ZNF595: variants seen among roughly 807,000 people sequenced by gnomAD.
ZNF595 encodes the protein zinc finger protein 595.
A neutral mutation model predicts 19.4 loss-of-function variants in ZNF595; 9 were observed. The observed-to-expected ratio is 0.46, with a 90% CI of 0.28 to 0.81. The LOEUF is 0.81. Among genes scored for constraint, ZNF595 ranks in the 30% least tolerant of loss-of-function variants. The probability of loss-of-function intolerance (pLI) is 0.11; values close to 1 mark genes in which losing one functional copy is unlikely to be tolerated. For missense variants in ZNF595, 729 were observed against 736.0 expected (o/e 0.99, Z 0.11); for synonymous variants, 255 against 255.9 (o/e 1.00, Z 0.03).
chr4:69,508 C>T (rs982577869), intron 3 of ZNF595, among the ~76,000 whole-genome samples: 2 of 152,070 alleles, frequency 1.3e-5, no homozygotes, highest in Non-Finnish European at 2.9e-5. Flanking sequence ...TGGAGCACCT[C>T]GTCATATACC....
At chr4:64,769 G>A (rs1581328720) in intron 3 of ZNF595, among the ~76,000 whole-genome samples, 1 of 152,308 alleles carries the variant, frequency 6.6e-6, no homozygotes, top group Non-Finnish European at 1.5e-5. Flanking sequence ...CTGGGCCATG[G>A]AAAGATTAAA....
intron 3 of ZNF595, among the ~76,000 whole-genome samples, chr4:77,323 A>C (rs1238147887): frequency 1.4e-5 from 1 of 71,146 alleles, no homozygotes; most frequent in Non-Finnish European, 2.7e-5. Flanking sequence ...GTGTTCTTGC[A>C]AAAAAAAAAA....
intron 3 of ZNF595, among the ~76,000 whole-genome samples, chr4:66,493 G>A (rs1713116617): frequency 6.6e-6 from 1 of 151,986 alleles, no homozygotes; most frequent in East Asian, 1.9e-4. Flanking sequence ...TTGCTCATGT[G>A]TTTGATGTTA....
At chr4:66,645 TCA>T (rs1581332470) in intron 3 of ZNF595, among the ~76,000 whole-genome samples, 1 of 151,578 alleles carries the variant, frequency 6.6e-6, no homozygotes, top group African/African-American at 2.4e-5. Flanking sequence ...GGATCCAACC[TCA>T]GTTTTTTCAT....
chr4:74,316 G>A (rs1195726036), intron 3 of ZNF595, among the ~76,000 whole-genome samples: 1 of 152,154 alleles, frequency 6.6e-6, no homozygotes, highest in African/African-American at 2.4e-5. Flanking sequence ...ACTGTTGGGT[G>A]AAATGTTACC....
chr4:55,000 G>A (rs1712562038), intron 1 of ZNF595, among the ~76,000 whole-genome samples: 1 of 151,146 alleles, frequency 6.6e-6, no homozygotes, highest in Non-Finnish European at 1.5e-5. Flanking sequence ...TCCTAACTCA[G>A]TCTCCCGAGT....
In ZNF595 at chr4:87,631, A is replaced by T; in HGVS notation, c.*180A>T. On this transcript the variant is annotated 3_prime_UTR_variant, in exon 4 of 4. Coordinates refer to ENST00000610261, the MANE Select transcript of ZNF595 (RefSeq NM_182524.4). ...GATTATTTTGATACAGGCATATGAC[A>T]TGTAATTATCACATCAGAGTAAATG... The T allele has an allele frequency of 2.1e-6, 1 of 481,824 alleles. No homozygotes were observed. The highest frequency in any genetic ancestry group is 3.5e-6 in the Non-Finnish European group (1 of 285,382). The allele number at this position is 481,824 out of a possible 1,614,324, so 29.8% of individuals were successfully genotyped here.
At position 86,765 on chromosome 4, in the gene ZNF595, G is replaced by C. The variant is rs782616417; in HGVS notation, c.1261G>C (p.Glu421Gln). Residue 421 changes from glutamate (E) to glutamine (Q), a missense_variant, in exon 4 of 4, where the codon GAG becomes CAG. Physicochemically the swap from Glu to Gln is conservative, Grantham distance 29 (BLOSUM62 2). Coordinates refer to ENST00000610261, the MANE Select transcript of ZNF595 (RefSeq NM_182524.4). ...LAKHKRIHTG[E>Q]KPYTCEECGK... ...TAAACATAAGAGAATTCATACTGGAGAGAAACCCTACACGTGCGAAGAATG... is the reference window on the plus strand; with the variant it reads ...TAAACATAAGAGAATTCATACTGGACAGAAACCCTACACGTGCGAAGAATG... The C allele has an allele frequency of 6.2e-7, 1 of 1,613,544 alleles. No homozygotes were observed. The highest frequency in any genetic ancestry group is 1.1e-5 in the South Asian group (1 of 91,054).
At chr4:74,599 T>C (rs1418554438) in intron 3 of ZNF595, among the ~76,000 whole-genome samples, 4 of 152,114 alleles carry the variant, frequency 2.6e-5, no homozygotes, top group African/African-American at 9.7e-5. Flanking sequence ...TTTTATACAT[T>C]TTAAGGAGAC....
At chr4:78,202 G>A (rs1480896308) in intron 3 of ZNF595, among the ~76,000 whole-genome samples, 1 of 152,086 alleles carries the variant, frequency 6.6e-6, no homozygotes, top group African/African-American at 2.4e-5. Context: ...TAGAGATGGG[G>A]TTTCACCGTG....
intron 3 of ZNF595, among the ~76,000 whole-genome samples, chr4:79,899 T>C (rs1553799540): frequency 6.6e-6 from 1 of 152,208 alleles, no homozygotes; most frequent in Non-Finnish European, 1.5e-5. Context: ...CTTTTTCAGT[T>C]TCTTGCCAAT....
Position 76,726 on chromosome 4 carries a change from CA to C in ZNF595, c.227-9002del, listed in dbSNP as rs200196249. Among the ~76,000 whole-genome samples the C allele has an allele frequency of 1.1e-3, 162 of 152,190 alleles. 1 individual carries two copies. In the East Asian group the frequency reaches 0.023, roughly 21 times the overall value. ...TGTCAGGTATACTCTTCTTCGTTGT[CA>C]AATTTTTTTCATTTTCTCTCTTCAT... is the stretch of plus-strand genomic sequence containing the variant. On this transcript the variant is annotated intron_variant, in intron 3 of 3. Coordinates refer to ENST00000610261, the MANE Select transcript of ZNF595 (RefSeq NM_182524.4).
At chr4:57,859 G>T (rs1331541558) in intron 1 of ZNF595, among the ~76,000 whole-genome samples, 8 of 151,812 alleles carry the variant, frequency 5.3e-5, no homozygotes, top group African/African-American at 1.5e-4. Flanking sequence ...AAACAAAAGG[G>T]TTTTGGTTAA....
intron 3 of ZNF595, among the ~76,000 whole-genome samples, chr4:82,371 G>GTTTTTTTTTTTTT (rs1560092266): frequency 4.1e-5 from 4 of 97,712 alleles, no homozygotes; most frequent in African/African-American, 1.5e-4. Flanking sequence ...TTTGGTTTGT[G>GTTTTTTTTTTTTT]GTTTTTTTTT....
chr4:87,706 T>C lies in ZNF595; in HGVS notation c.*255T>C, dbSNP rs574961977. 2.4e-5 allele frequency: 6 copies of C among 250,742 alleles called. No homozygotes were observed. In the South Asian group the frequency reaches 7.5e-4, roughly 31 times the overall value. The allele number at this position is 250,742 out of a possible 1,614,324, so 15.5% of individuals were successfully genotyped here. ...CTTTGTATTACACACAGTCCAGTTA[T>C]ACACTTTAATTTTTTTTTTTTTTTT... On this transcript the variant is annotated 3_prime_UTR_variant, in exon 4 of 4. Coordinates refer to ENST00000610261, the MANE Select transcript of ZNF595 (RefSeq NM_182524.4).
Position 87,553 on chromosome 4 carries a change from T to G in ZNF595, c.*102T>G, listed in dbSNP as rs78378985. 14,771 of 1,182,420 alleles carry G rather than the reference T, an allele frequency of 0.012. 289 individuals carry two copies. Among genetic ancestry groups the G allele is most frequent in the South Asian group, 0.082 (3,583 of 43,866 alleles). The allele number at this position is 1,182,420 out of a possible 1,614,324, so 73.2% of individuals were successfully genotyped here. A position where few individuals can be genotyped will look rare whatever the true frequency, so the allele number is the denominator to read the frequency against. On this transcript the variant is annotated 3_prime_UTR_variant, in exon 4 of 4. Transcript: ENST00000610261. ...TTGTATTATTTTTCTTATTTTAAATTTTTTAAAATTTCTGTAGGTACATAG... is the reference window on the plus strand; with the variant it reads ...TTGTATTATTTTTCTTATTTTAAATGTTTTAAAATTTCTGTAGGTACATAG...
rs1338609009 is a variant in ZNF595, at chr4:88,103, T to C, written c.*652T>C. On this transcript the variant is annotated 3_prime_UTR_variant, in exon 4 of 4. Transcript: ENST00000610261. ...AATAAGTATATGAGTATAATTATAA[T>C]TCACACATTTCTAAGTCATGAATGC... is the stretch of plus-strand genomic sequence containing the variant. The C allele has an allele frequency of 6.6e-6, 1 of 152,176 alleles. No individual in the cohort carries two copies. Among genetic ancestry groups the C allele is most frequent in the African/African-American group, 2.4e-5 (1 of 41,442 alleles). 9.4% of individuals were successfully genotyped at this position (152,176 alleles called of 1,614,324 possible).
At chr4:79,861 C>T (rs1713833015) in intron 3 of ZNF595, among the ~76,000 whole-genome samples, 1 of 151,316 alleles carries the variant, frequency 6.6e-6, no homozygotes. Flanking sequence ...AATTCATAAG[C>T]AAAAAAATGT....
At chr4:73,924 C>A (rs572512903) in intron 3 of ZNF595, among the ~76,000 whole-genome samples, 3 of 151,908 alleles carry the variant, frequency 2.0e-5, no homozygotes, top group Non-Finnish European at 2.9e-5. Flanking sequence ...CTGTGCTGAC[C>A]GTGGTGTTGT....
Sources: allele counts gnomAD v4.1 joint callset (sites outside exome capture counted in the v4.1 genomes callset), GRCh38; gene constraint gnomAD v4.1.1; transcripts MANE v1.5; gene names NCBI Gene and HGNC (gene_info 2026-07-23, HGNC 2026-07-21).